Variants in ZNF93 observed in about 807,000 individuals in gnomAD.
ZNF93 encodes the protein zinc finger protein 505.
In ZNF93, 29 loss-of-function variants were observed where a neutral mutation model predicts 45.0. That is an observed-to-expected ratio of 0.64 (90% CI 0.48 to 0.88). The LOEUF (loss-of-function observed/expected upper bound fraction) is 0.88. ZNF93 is among the 40% of genes least tolerant of loss of function. The pLI, the probability that ZNF93 is intolerant of heterozygous loss-of-function variation, is 0.00. For missense variants in ZNF93, 578 were observed against 724.0 expected (o/e 0.80, Z 2.31); for synonymous variants, 223 against 244.6 (o/e 0.91, Z 0.82).
At chr19:19,909,505 G>A (rs1315933162) in intron 1 of ZNF93, 1 of 152,198 alleles carries the variant, frequency 6.6e-6, no homozygotes, top group Non-Finnish European at 1.5e-5. Context: ...TCAGTATCCA[G>A]GTGAATTTAG....
intron 3 of ZNF93, chr19:19,927,321 A>G (rs886951267): frequency 6.8e-5 from 27 of 397,642 alleles, no homozygotes; most frequent in Admixed American, 6.6e-4. Context: ...TTGTGCCACT[A>G]CACTCCAGCT....
chr19:19,907,417 A>G (rs1400016287), intron 1 of ZNF93, among the ~76,000 whole-genome samples: 1 of 152,238 alleles, frequency 6.6e-6, no homozygotes, highest in Non-Finnish European at 1.5e-5. Flanking sequence ...AAAACAGTTC[A>G]GTGTGTAAAC....
At chr19:19,909,316 G>A (rs888514761) in intron 1 of ZNF93, 5 of 152,244 alleles carry the variant, frequency 3.3e-5, no homozygotes, top group Admixed American at 2.6e-4. Flanking sequence ...GGAGTACAGA[G>A]CCACTGCTCT....
Position 19,905,454 on chromosome 19 carries a change from A to G in ZNF93, c.3+4363A>G, listed in dbSNP as rs1031337552. 3.3e-5 allele frequency among the ~76,000 whole-genome samples: 5 copies of G among 152,080 alleles called. No homozygotes were observed. In the East Asian group the frequency reaches 9.6e-4, roughly 29 times the overall value. On this transcript the variant is annotated intron_variant, in intron 1 of 3. Coordinates refer to ENST00000343769, the MANE Select transcript of ZNF93 (RefSeq NM_031218.4). ...ATTATTTAGCTCTCCCTTGTAAATAACAACATGCATTTGGTTTTCTATTTC... is the reference window on the plus strand; with the variant it reads ...ATTATTTAGCTCTCCCTTGTAAATAGCAACATGCATTTGGTTTTCTATTTC...
chr19:19,901,055 C>T lies in ZNF93; in HGVS notation c.-34C>T, dbSNP rs780123851. 5 of 1,612,982 alleles carry T rather than the reference C, an allele frequency of 3.1e-6. No homozygotes were observed. The African/African-American group carries it at 6.7e-5, about 22-fold the overall frequency. On this transcript the variant is annotated 5_prime_UTR_variant, in exon 1 of 4. Coordinates refer to ENST00000343769, the MANE Select transcript of ZNF93 (RefSeq NM_031218.4). The stretch of plus-strand genomic sequence containing the variant: ...TGACCTGCAGGTATTGGGAGATCCA[C>T]AGCTAAGACACCAGGACCCCTGGAA...
intron 3 of ZNF93, among the ~76,000 whole-genome samples, chr19:19,929,916 C>A (rs2063367825): frequency 2.8e-5 from 3 of 108,048 alleles, no homozygotes; most frequent in African/African-American, 3.6e-5. Flanking sequence ...CCAGCCTGGG[C>A]AACAGAGCGA....
At position 19,935,082 on chromosome 19, in the gene ZNF93, T is replaced by G. The variant is rs1310578856; in HGVS notation, c.*264T>G. The G allele has an allele frequency of 2.3e-6, 1 of 440,326 alleles. No homozygotes were observed. Among genetic ancestry groups the G allele is most frequent in the Admixed American group, 3.9e-5 (1 of 25,670 alleles). The allele number at this position is 440,326 out of a possible 1,614,324, so 27.3% of individuals were successfully genotyped here. On this transcript the variant is annotated 3_prime_UTR_variant, in exon 4 of 4. Transcript: ENST00000343769. ...CACAGCTTAAGGTCAGTTCTGCCTA[T>G]ATAGAAACCCACACAGTTAACCTGA...
At chr19:19,908,354 A>G (rs1332080776) in intron 1 of ZNF93, 1 of 152,214 alleles carries the variant, frequency 6.6e-6, no homozygotes, top group Non-Finnish European at 1.5e-5. Context: ...GCAGAGATGG[A>G]AAAGAAACTT....
intron 3 of ZNF93, chr19:19,927,061 CACATA>C (rs978091100): frequency 1.3e-5 from 5 of 397,800 alleles, no homozygotes; most frequent in African/African-American, 1.0e-4. Context: ...GTTTTAAAAA[CACATA>C]ACATAAAATT....
rs770564747 is a variant in ZNF93, at chr19:19,934,164, C to T, written c.1209C>T (p.Gly403=). The T allele has an allele frequency of 2.5e-6, 4 of 1,611,844 alleles. No individual in the cohort carries two copies. Among genetic ancestry groups the T allele is most frequent in the Non-Finnish European group, 3.4e-6 (4 of 1,179,904 alleles). ...AGCCCTACAAATGTGAAGAATGTGGCAAAGCCTTTAAGTACTCCTCTACCC... is the reference window on the plus strand; with the variant it reads ...AGCCCTACAAATGTGAAGAATGTGGTAAAGCCTTTAAGTACTCCTCTACCC... ...GEKPYKCEEC[G]KAFKYSSTLS... Residue 403 remains glycine, a synonymous_variant, in exon 4 of 4, where the codon GGC becomes GGT. Transcript: ENST00000343769.
At chr19:19,925,580 A>G (rs1183005372) in intron 3 of ZNF93, among the ~76,000 whole-genome samples, 1 of 152,222 alleles carries the variant, frequency 6.6e-6, no homozygotes, top group East Asian at 1.9e-4. Context: ...TCAGATATTT[A>G]GGACAATATG....
intron 3 of ZNF93, 36 bp downstream of exon 3, chr19:19,916,691 C>T: frequency 2.7e-6 from 4 of 1,493,996 alleles, no homozygotes; most frequent in East Asian, 2.3e-5. Flanking sequence ...ACAGACAACA[C>T]AGTAAGAGGT....
intron 1 of ZNF93, among the ~76,000 whole-genome samples, chr19:19,906,585 A>G (rs1389732854): frequency 6.6e-6 from 1 of 152,096 alleles, no homozygotes; most frequent in Non-Finnish European, 1.5e-5. Flanking sequence ...TCGTAGCTTC[A>G]TCATGAAGTC....
chr19:19,916,516 G>C (rs1395182604), intron 2 of ZNF93, 44 bp from the exon 3 acceptor site: 1 of 1,507,708 alleles, frequency 6.6e-7, no homozygotes, highest in African/African-American at 1.4e-5. Context: ...CTTGTAATTG[G>C]AGAATATGAG....
chr19:19,934,345 C>T lies in ZNF93; in HGVS notation c.1390C>T (p.Gln464Ter). ...TGAAGAATGTGGCAAAGCTTTTAAC[C>T]AGTCCTCATCCCTTACTAAACATAA... ...KCEECGKAFN[Q>*]SSSLTKHKKI... is the part of the protein sequence containing the mutation. Residue 464 changes from glutamine (Q) to a stop codon, truncating the protein, a stop_gained, in exon 4 of 4, where the codon CAG becomes TAG. Transcript: ENST00000343769. LOFTEE classifies it high-confidence loss of function. The T allele has an allele frequency of 6.2e-7, 1 of 1,611,388 alleles. No homozygotes were observed.
At chr19:19,916,492 G>A (rs2063324210) in intron 2 of ZNF93, 68 bp from the exon 3 acceptor site, 8 of 1,249,352 alleles carry the variant, frequency 6.4e-6, no homozygotes, top group South Asian at 1.3e-5. Context: ...CGTCTTTGCT[G>A]AGCACATTAC....
At chr19:19,931,999 T>C (rs1408351336) in intron 3 of ZNF93, 2 of 383,692 alleles carry the variant, frequency 5.2e-6, no homozygotes, top group Admixed American at 6.7e-5. Context: ...TTATATGGTG[T>C]ATCTACAGGT....
intron 3 of ZNF93, chr19:19,927,342 A>G (rs1488694429): frequency 2.5e-6 from 1 of 396,928 alleles, no homozygotes; most frequent in Admixed American, 4.4e-5. Context: ...TGGGTGACAG[A>G]GTGAGACCCT....
intron 3 of ZNF93, chr19:19,932,149 T>G (rs2122197561): frequency 5.0e-6 from 1 of 201,344 alleles, no homozygotes; most frequent in South Asian, 6.0e-5. Context: ...GGCCCATGCC[T>G]GTAGTACGAG....
Sources: allele counts gnomAD v4.1 joint callset (sites outside exome capture counted in the v4.1 genomes callset), GRCh38; gene constraint gnomAD v4.1.1; transcripts MANE v1.5; gene names NCBI Gene and HGNC (gene_info 2026-07-23, HGNC 2026-07-21).